Variants in PDE4D observed in about 807,000 individuals in gnomAD.
PDE4D encodes phosphodiesterase 4D, also known as 3',5'-cyclic-AMP phosphodiesterase 4D.
A neutral mutation model predicts 87.4 loss-of-function variants in PDE4D; 24 were observed. The observed-to-expected ratio is 0.27, with a 90% CI of 0.20 to 0.39. PDE4D has a LOEUF of 0.39. Among genes scored for constraint, PDE4D ranks in the 10% least tolerant of loss-of-function variants. PDE4D has a pLI of 1.00. For missense variants in PDE4D, 714 were observed against 1,041.0 expected (o/e 0.69, Z 4.32); for synonymous variants, 384 against 383.2 (o/e 1.00, Z -0.02).
intron 1 of PDE4D, among the ~76,000 whole-genome samples, chr5:60,205,207 C>T (rs1742360567): frequency 6.6e-6 from 1 of 152,118 alleles, no homozygotes; most frequent in Admixed American, 6.5e-5. Flanking sequence ...GCCTGGAGCA[C>T]CACAAACTGG....
At chr5:60,415,952 T>C (rs566901416) in intron 1 of PDE4D, among the ~76,000 whole-genome samples, 1 of 148,362 alleles carries the variant, frequency 6.7e-6, no homozygotes, top group South Asian at 2.1e-4. Flanking sequence ...GCACTCTGTA[T>C]GTAGCTCAAG....
At chr5:59,356,409 T>C (rs1403667987) in intron 1 of PDE4D, among the ~76,000 whole-genome samples, 1 of 152,202 alleles carries the variant, frequency 6.6e-6, no homozygotes, top group Non-Finnish European at 1.5e-5. Flanking sequence ...TGTAGTGTTT[T>C]TTTTGTTGGT....
At chr5:59,284,249 C>A (rs1766425548) in intron 1 of PDE4D, among the ~76,000 whole-genome samples, 1 of 152,082 alleles carries the variant, frequency 6.6e-6, no homozygotes, top group South Asian at 2.1e-4. Flanking sequence ...TTTATCAGCA[C>A]CATATGGTCA....
chr5:59,259,488 C>T (rs1469125692), intron 1 of PDE4D, among the ~76,000 whole-genome samples: 1 of 151,792 alleles, frequency 6.6e-6, no homozygotes, highest in East Asian at 1.9e-4. Context: ...CGAAATGATA[C>T]CAAGGTTTAA....
At chr5:59,293,584 T>C (rs184123173) in intron 1 of PDE4D, among the ~76,000 whole-genome samples, 308 of 152,278 alleles carry the variant, frequency 2.0e-3, no homozygotes, top group Non-Finnish European at 3.5e-3. Flanking sequence ...GACTTTGTTT[T>C]TTAAGATTAT....
In PDE4D at chr5:60,271,960, G is replaced by T. The variant is rs1321099669; in HGVS notation, c.-89-86273C>A. On this transcript the variant is annotated intron_variant, in intron 1 of 16. Coordinates refer to the PDE4D transcript ENST00000502484. ...AAGAAACGGAGGAGATGAGGAAGAA[G>T]AAATGGATTCTAGAGCAATTCCTTT... is the stretch of plus-strand genomic sequence containing the variant. Among the ~76,000 whole-genome samples the T allele has an allele frequency of 1.3e-5, 2 of 152,298 alleles. 1 individual carries two copies. Among genetic ancestry groups the T allele is most frequent in the Middle Eastern group, 6.8e-3 (2 of 294 alleles).
At chr5:60,428,856 G>T (rs1424535329) in intron 1 of PDE4D, among the ~76,000 whole-genome samples, 1 of 152,164 alleles carries the variant, frequency 6.6e-6, no homozygotes, top group East Asian at 1.9e-4. Context: ...AATGGCAAAG[G>T]ATATAATAAT....
At chr5:60,046,750 G>A (rs2152874267) in intron 2 of PDE4D, among the ~76,000 whole-genome samples, 2 of 152,322 alleles carry the variant, frequency 1.3e-5, no homozygotes, top group South Asian at 4.1e-4. Flanking sequence ...TTTTTGATGT[G>A]CTGCTGGATT....
intron 1 of PDE4D, among the ~76,000 whole-genome samples, chr5:59,319,420 T>C (rs930510566): frequency 6.6e-6 from 1 of 152,096 alleles, no homozygotes; most frequent in African/African-American, 2.4e-5. Flanking sequence ...GTAATTTTAC[T>C]GATTGAAAAA....
chr5:59,013,847 A>C (rs1313398199), intron 6 of PDE4D, among the ~76,000 whole-genome samples: 1 of 152,176 alleles, frequency 6.6e-6, no homozygotes, highest in African/African-American at 2.4e-5. Flanking sequence ...AACAAAAAAA[A>C]GAGAATTTTA....
chr5:59,766,715 G>C (rs1445169274), intron 1 of PDE4D, among the ~76,000 whole-genome samples: 1 of 152,270 alleles, frequency 6.6e-6, no homozygotes, highest in Non-Finnish European at 1.5e-5. Context: ...GCCTGGCCTT[G>C]AGCCAACCTT....
chr5:59,315,595 G>A (rs1222762252), intron 1 of PDE4D, among the ~76,000 whole-genome samples: 1 of 152,108 alleles, frequency 6.6e-6, no homozygotes, highest in Non-Finnish European at 1.5e-5. Context: ...AATGATAGAT[G>A]GTCATGGCTG....
intron 2 of PDE4D, among the ~76,000 whole-genome samples, chr5:60,076,125 C>A (rs1168590630): frequency 1.3e-5 from 2 of 151,954 alleles, no homozygotes; most frequent in Admixed American, 6.6e-5. Context: ...CTGGTTTTTT[C>A]TCATCTTTGT....
intron 1 of PDE4D, among the ~76,000 whole-genome samples, chr5:60,513,096 T>C (rs1458951598): frequency 1.3e-5 from 2 of 152,122 alleles, no homozygotes; most frequent in Admixed American, 1.3e-4. Context: ...ATAATAATGA[T>C]AGATTTAAAC....
intron 1 of PDE4D, among the ~76,000 whole-genome samples, chr5:59,715,247 C>T (rs972073610): frequency 1.1e-4 from 16 of 152,186 alleles, no homozygotes; most frequent in Non-Finnish European, 1.5e-4. Flanking sequence ...CAACAGAGTA[C>T]GCTGAGTACA....
intron 1 of PDE4D, among the ~76,000 whole-genome samples, chr5:60,298,817 C>G (rs1454978079): frequency 2.6e-5 from 4 of 152,214 alleles, no homozygotes; most frequent in Middle Eastern, 6.8e-3. Flanking sequence ...AATTCTTGTT[C>G]TTTGGTTTGT....
chr5:59,543,759 G>T (rs755714957), intron 1 of PDE4D, among the ~76,000 whole-genome samples: 1 of 152,090 alleles, frequency 6.6e-6, no homozygotes, highest in East Asian at 1.9e-4. Context: ...TTAGGGGAAA[G>T]TTACTGAGGT....
Position 59,993,659 on chromosome 5 carries a change from G to T in PDE4D, c.43-4942C>A, listed in dbSNP as rs184335584. Among the ~76,000 whole-genome samples the T allele has an allele frequency of 2.7e-3, 413 of 152,142 alleles. 2 individuals are homozygous for T. Among genetic ancestry groups the T allele is most frequent in the African/African-American group, 9.6e-3 (399 of 41,542 alleles). ...CAATATTGGTAATAATTTTGTTTTAGTATCTTTATTAATTATGAGCTTCTG... is the reference window on the plus strand; with the variant it reads ...CAATATTGGTAATAATTTTGTTTTATTATCTTTATTAATTATGAGCTTCTG... On this transcript the variant is annotated intron_variant, in intron 2 of 16. Coordinates refer to the PDE4D transcript ENST00000502484.
chr5:60,250,353 G>A (rs1748284547), intron 1 of PDE4D, among the ~76,000 whole-genome samples: 1 of 151,894 alleles, frequency 6.6e-6, no homozygotes. Context: ...AGGCAGCTAG[G>A]AGGTGTCTCT....
Sources: gnomAD v4.1 joint callset for allele counts (sites outside exome capture counted in the v4.1 genomes callset) on GRCh38, gnomAD v4.1.1 for gene constraint, MANE v1.5 for transcripts, NCBI Gene and HGNC (gene_info 2026-07-23, HGNC 2026-07-21) for gene names.